Variants in PRKCE observed in about 807,000 individuals in gnomAD.
PRKCE encodes the protein protein kinase C epsilon type.
In PRKCE, 16 loss-of-function variants were observed where a neutral mutation model predicts 85.4. The ratio of observed to expected loss-of-function variants is 0.19; its 90% CI spans 0.13 to 0.28. The LOEUF is 0.28. Among genes scored for constraint, PRKCE ranks in the 10% least tolerant of loss-of-function variants. The pLI is 1.00. For synonymous variants in PRKCE, 388 were observed against 371.5 expected, an observed-to-expected ratio of 1.04 and a Z score of -0.51; for missense variants, 573 against 975.2, an observed-to-expected ratio of 0.59 and a Z score of 5.49.
intron 1 of PRKCE, among the ~76,000 whole-genome samples, chr2:45,806,459 G>T (rs7591885): frequency 6.6e-6 from 1 of 152,050 alleles, no homozygotes; most frequent in Non-Finnish European, 1.5e-5. Context: ...CATCTTACTC[G>T]TTTTTAAGTG....
chr2:46,048,536 G>A (rs145392865), intron 10 of PRKCE, among the ~76,000 whole-genome samples: 5 of 152,162 alleles, frequency 3.3e-5, no homozygotes, highest in Non-Finnish European at 5.9e-5. Context: ...CAAGGTGCTC[G>A]GGTCTTGTCA....
intron 1 of PRKCE, among the ~76,000 whole-genome samples, chr2:45,758,786 C>G (rs1239988140): frequency 2.0e-5 from 3 of 152,210 alleles, no homozygotes; most frequent in Admixed American, 2.0e-4. Context: ...GTAGTGGATG[C>G]TCAATAAATT....
intron 2 of PRKCE, among the ~76,000 whole-genome samples, chr2:45,881,009 TG>T (rs1407536700): frequency 1.3e-5 from 2 of 151,708 alleles, no homozygotes; most frequent in Non-Finnish European, 2.9e-5. Flanking sequence ...AAAAATTAGC[TG>T]GGCGTAGTGG....
intron 1 of PRKCE, among the ~76,000 whole-genome samples, chr2:45,835,300 T>G (rs992413776): frequency 6.6e-6 from 1 of 152,242 alleles, no homozygotes; most frequent in Non-Finnish European, 1.5e-5. Context: ...TACATACAAT[T>G]AAGTGCATTC....
At chr2:45,776,936 A>G (rs948873602) in intron 1 of PRKCE, among the ~76,000 whole-genome samples, 1 of 151,284 alleles carries the variant, frequency 6.6e-6, no homozygotes, top group South Asian at 2.1e-4. Context: ...GAAAGTTATC[A>G]TTTTTTTTTT....
At chr2:45,856,713 A>T (rs141697543) in intron 2 of PRKCE, among the ~76,000 whole-genome samples, 1 of 151,866 alleles carries the variant, frequency 6.6e-6, no homozygotes, top group African/African-American at 2.4e-5. Context: ...CCTGACTTCT[A>T]TTTTCCCCAG....
At chr2:45,804,055 G>C (rs942184135) in intron 1 of PRKCE, among the ~76,000 whole-genome samples, 3 of 152,166 alleles carry the variant, frequency 2.0e-5, no homozygotes, top group Admixed American at 1.3e-4. Context: ...TAGACAGAGG[G>C]TCCTGGGTTG....
At chr2:45,729,206 A>T (rs1681348697) in intron 1 of PRKCE, among the ~76,000 whole-genome samples, 1 of 152,182 alleles carries the variant, frequency 6.6e-6, no homozygotes, top group African/African-American at 2.4e-5. Flanking sequence ...TTATACCAGG[A>T]TCCTTGCTGG....
chr2:45,894,603 G>T (rs1477825348), intron 2 of PRKCE, among the ~76,000 whole-genome samples: 1 of 152,054 alleles, frequency 6.6e-6, no homozygotes, highest in Non-Finnish European at 1.5e-5. Context: ...TTCTGGAGTG[G>T]ACGTGAGGAT....
intron 2 of PRKCE, among the ~76,000 whole-genome samples, chr2:45,878,061 T>C (rs575638503): frequency 6.6e-6 from 1 of 152,370 alleles, no homozygotes; most frequent in African/African-American, 2.4e-5. Flanking sequence ...GTCAGGGAGA[T>C]GGATTTGAGA....
chr2:45,925,566 G>A (rs1002490001), intron 2 of PRKCE, among the ~76,000 whole-genome samples: 1 of 152,132 alleles, frequency 6.6e-6, no homozygotes, highest in African/African-American at 2.4e-5. Context: ...AAAGTGCTAG[G>A]ATTACAGGCG....
intron 6 of PRKCE, among the ~76,000 whole-genome samples, chr2:45,994,253 G>T (rs1350307394): frequency 6.6e-6 from 1 of 152,088 alleles, no homozygotes; most frequent in African/African-American, 2.4e-5. Flanking sequence ...CAACGGAGTG[G>T]TATATTTGTT....
At chr2:45,983,937 A>ATTTT (rs11418472) in intron 5 of PRKCE, among the ~76,000 whole-genome samples, 5 of 132,986 alleles carry the variant, frequency 3.8e-5, no homozygotes, top group Admixed American at 7.7e-5. Flanking sequence ...TGAAGGTACA[A>ATTTT]TTTTTTTTTT....
chr2:45,875,601 T>A (rs1694416308), intron 2 of PRKCE, among the ~76,000 whole-genome samples: 1 of 152,188 alleles, frequency 6.6e-6, no homozygotes, highest in Non-Finnish European at 1.5e-5. Flanking sequence ...AGTTTTTTGT[T>A]GTTGTTGTTG....
At chr2:46,046,317 G>T (rs1011284688) in intron 10 of PRKCE, among the ~76,000 whole-genome samples, 3 of 152,174 alleles carry the variant, frequency 2.0e-5, no homozygotes, top group African/African-American at 7.2e-5. Flanking sequence ...ATAGGCTCTG[G>T]GGCCTGCCCT....
chr2:45,791,369 G>A (rs1007358135), intron 1 of PRKCE, among the ~76,000 whole-genome samples: 2 of 152,190 alleles, frequency 1.3e-5, no homozygotes, highest in African/African-American at 4.8e-5. Flanking sequence ...GCACGTGGGG[G>A]TCCTGGTCCA....
intron 14 of PRKCE, among the ~76,000 whole-genome samples, chr2:46,182,324 C>T (rs1209774783): frequency 6.6e-6 from 1 of 152,192 alleles, no homozygotes; most frequent in East Asian, 1.9e-4. Flanking sequence ...GCGCCACCCT[C>T]CCGCGTCAGT....
chr2:45,762,601 A>G (rs1684594872), intron 1 of PRKCE, among the ~76,000 whole-genome samples: 1 of 152,260 alleles, frequency 6.6e-6, no homozygotes, highest in African/African-American at 2.4e-5. Context: ...GAAGGCAAGG[A>G]AGATGTTATC....
chr2:45,989,508 A>G (rs1039118650), intron 6 of PRKCE, among the ~76,000 whole-genome samples: 4 of 152,170 alleles, frequency 2.6e-5, no homozygotes, highest in Non-Finnish European at 4.4e-5. Context: ...TTTTAACCCC[A>G]ACTGCCCTCT....
Sources: allele counts gnomAD v4.1 joint callset (sites outside exome capture counted in the v4.1 genomes callset), GRCh38; gene constraint gnomAD v4.1.1; transcripts MANE v1.5; gene names NCBI Gene and HGNC (gene_info 2026-07-23, HGNC 2026-07-21).